MRGPRX2: variants seen among roughly 807,000 people sequenced by gnomAD.
MRGPRX2 encodes MAS related GPR family member X2, also known as mas-related G protein-coupled receptor member X2.
For missense variants in MRGPRX2, 389 were observed against 404.5 expected (o/e 0.96, Z 0.33); for synonymous variants, 183 against 175.6 (o/e 1.04, Z -0.33).
rs762796548 is a variant in MRGPRX2, at chr11:19,056,452, C to A, written c.-25-25G>T. 2.6e-6 allele frequency: 4 copies of A among 1,566,700 alleles called. No individual in the cohort carries two copies. The East Asian group carries it at 6.8e-5, about 26-fold the overall frequency. On this transcript the variant is annotated intron_variant, in intron 1 of 1. Coordinates refer to ENST00000329773, the MANE Select transcript of MRGPRX2 (RefSeq NM_054030.4). ...CCTGGAAACAAAAACAAGACTTGAG[C>A]ACCTGCTGCATGTTCACTGATTTTC... is the stretch of plus-strand genomic sequence containing the variant.
Position 19,055,333 on chromosome 11 carries a change from T to G in MRGPRX2, c.*77A>C. ...GTTTTAAAATCAGGACTGAGAAAGT[T>G]CAGCAAATCAGACAGACAGGGGCAA... On this transcript the variant is annotated 3_prime_UTR_variant, in exon 2 of 2. Transcript: ENST00000329773. 2.1e-6 allele frequency: 3 copies of G among 1,456,656 alleles called. No homozygotes were observed. The South Asian group carries it at 4.0e-5, about 20-fold the overall frequency. The allele number at this position is 1,456,656 out of a possible 1,614,324, so 90.2% of individuals were successfully genotyped here. A position where few individuals can be genotyped will look rare whatever the true frequency, so the allele number is the denominator to read the frequency against.
At chr11:19,057,230 C>T (rs1387152331) in intron 1 of MRGPRX2, among the ~76,000 whole-genome samples, 1 of 152,172 alleles carries the variant, frequency 6.6e-6, no homozygotes, top group African/African-American at 2.4e-5. Flanking sequence ...AAGAAAACAT[C>T]ATTCTTCATG....
intron 1 of MRGPRX2, among the ~76,000 whole-genome samples, chr11:19,058,512 C>T (rs981799139): frequency 6.6e-6 from 1 of 151,984 alleles, no homozygotes; most frequent in Non-Finnish European, 1.5e-5. Flanking sequence ...GCTCCGCCTC[C>T]TGGGCTCACG....
chr11:19,058,924 A>G (rs1306383117), intron 1 of MRGPRX2, among the ~76,000 whole-genome samples: 1 of 152,190 alleles, frequency 6.6e-6, no homozygotes, highest in African/African-American at 2.4e-5. Context: ...TCACATGGTG[A>G]AAAGCAGGTC....
chr11:19,060,276 A>G (rs1207515466), intron 1 of MRGPRX2, among the ~76,000 whole-genome samples: 1 of 152,220 alleles, frequency 6.6e-6, no homozygotes, highest in Admixed American at 6.5e-5. Context: ...AACCTTTTGA[A>G]TAACAAGAAA....
rs1362196428 is a variant in MRGPRX2, at chr11:19,054,617, G to C, written c.*793C>G. 1.3e-5 allele frequency: 2 copies of C among 152,188 alleles called. No individual in the cohort carries two copies. Among genetic ancestry groups the C allele is most frequent in the East Asian group, 3.9e-4 (2 of 5,194 alleles). The allele number at this position is 152,188 out of a possible 1,614,324, so 9.4% of individuals were successfully genotyped here. ...CTATAAGACCACTGGAAACTTCCAG[G>C]ACGAATTAGAGAGCCCCCAGAGAGG... On this transcript the variant is annotated 3_prime_UTR_variant, in exon 2 of 2. Coordinates refer to ENST00000329773, the MANE Select transcript of MRGPRX2 (RefSeq NM_054030.4).
Position 19,056,195 on chromosome 11 carries a change from T to TGA in MRGPRX2, c.206_207dup (p.Leu71AlafsTer15). On this transcript the variant is annotated frameshift_variant, in exon 2 of 2. Transcript: ENST00000329773. LOFTEE classifies it low-confidence loss of function (END_TRUNC). The stretch of plus-strand genomic sequence containing the variant: ...AAGAGGAAGTCGGCCCCGGCCAGGC[T>TGA]GAGGACGTAGACAGAGAAGGCGTTC... The TGA allele has an allele frequency of 1.2e-6, 2 of 1,614,136 alleles. No individual in the cohort carries two copies. The highest frequency in any genetic ancestry group is 1.7e-6 in the Non-Finnish European group (2 of 1,179,968).
intron 1 of MRGPRX2, among the ~76,000 whole-genome samples, chr11:19,057,287 C>G (rs1166625104): frequency 1.3e-5 from 2 of 152,204 alleles, no homozygotes; most frequent in Non-Finnish European, 2.9e-5. Context: ...TTGCTTCTGC[C>G]TACACAGATA....
chr11:19,057,456 G>A (rs1377865296), intron 1 of MRGPRX2, among the ~76,000 whole-genome samples: 2 of 152,204 alleles, frequency 1.3e-5, no homozygotes, highest in Non-Finnish European at 2.9e-5. Flanking sequence ...TTTGGGAAAA[G>A]GAGAGAGAGG....
chr11:19,059,681 A>G (rs1331810503), intron 1 of MRGPRX2, among the ~76,000 whole-genome samples: 1 of 149,378 alleles, frequency 6.7e-6, no homozygotes, highest in Non-Finnish European at 1.5e-5. Context: ...CAGGAAAGAC[A>G]AACTGAGAAG....
chr11:19,058,423 A>AT (rs35629793), intron 1 of MRGPRX2, among the ~76,000 whole-genome samples: 30,948 of 141,138 alleles, frequency 0.22, 3,779 homozygotes, highest in Admixed American at 0.29. Context: ...TTGCACCTGT[A>AT]TTTTTTTTTT....
chr11:19,057,346 T>C (rs1036020574), intron 1 of MRGPRX2, among the ~76,000 whole-genome samples: 8 of 152,198 alleles, frequency 5.3e-5, no homozygotes, highest in Admixed American at 2.0e-4. Flanking sequence ...GGCTAGTATA[T>C]GGCTTTTGCT....
At chr11:19,056,765 T>G (rs7120561) in intron 1 of MRGPRX2, among the ~76,000 whole-genome samples, 45,409 of 152,036 alleles carry the variant, frequency 0.3, 7,130 homozygotes, top group African/African-American at 0.4. Context: ...CAAGAGACAG[T>G]ACTCTGAGTT....
intron 1 of MRGPRX2, among the ~76,000 whole-genome samples, chr11:19,058,627 T>C (rs181676303): frequency 6.6e-6 from 1 of 151,938 alleles, no homozygotes; most frequent in African/African-American, 2.4e-5. Flanking sequence ...GGGGTTTCAC[T>C]GTGTTAGCCA....
Position 19,054,458 on chromosome 11 carries a change from A to G in MRGPRX2, c.*952T>C, listed in dbSNP as rs770265449. The G allele has an allele frequency of 3.3e-5, 5 of 152,242 alleles. No homozygotes were observed. The highest frequency in any genetic ancestry group is 7.3e-5 in the Non-Finnish European group (5 of 68,044). The allele number at this position is 152,242 out of a possible 1,614,324, so 9.4% of individuals were successfully genotyped here. ...AAAATTATTAAAAGATGCAGCATTT[A>G]CAATTAGTATTTTATTCTGTGGAAC... On this transcript the variant is annotated 3_prime_UTR_variant, in exon 2 of 2. Coordinates refer to ENST00000329773, the MANE Select transcript of MRGPRX2 (RefSeq NM_054030.4).
chr11:19,059,856 C>CT (rs1259400385), intron 1 of MRGPRX2, among the ~76,000 whole-genome samples: 2 of 151,370 alleles, frequency 1.3e-5, no homozygotes, highest in Non-Finnish European at 2.9e-5. Context: ...TGGAGGGTGA[C>CT]TTTTTTTTTC....
chr11:19,057,326 A>G (rs1034370068), intron 1 of MRGPRX2, among the ~76,000 whole-genome samples: 1 of 152,212 alleles, frequency 6.6e-6, no homozygotes, highest in African/African-American at 2.4e-5. Flanking sequence ...CATATCTTCA[A>G]TCCAGGAAGG....
Position 19,056,428 on chromosome 11 carries a change from C to T in MRGPRX2, c.-25-1G>A, listed in dbSNP as rs760791488. The T allele has an allele frequency of 1.9e-6, 3 of 1,587,040 alleles. No individual in the cohort carries two copies. Among genetic ancestry groups the T allele is most frequent in the Non-Finnish European group, 1.7e-6 (2 of 1,164,664 alleles). On this transcript the variant is annotated splice_acceptor_variant, in intron 1 of 1. Transcript: ENST00000329773. LOFTEE classifies it low-confidence loss of function (5UTR_SPLICE). ...GCTCAGAAAACCTCCACTGGTGCCC[C>T]TGGAAACAAAAACAAGACTTGAGCA... is the stretch of plus-strand genomic sequence containing the variant.
chr11:19,055,741 A>G lies in MRGPRX2; in HGVS notation c.662T>C (p.Leu221Pro), dbSNP rs764987414. Residue 221 changes from leucine (L) to proline (P), a missense_variant, in exon 2 of 2, where the codon CTG becomes CCG. Leu to Pro is a moderately conservative substitution (Grantham distance 98). Transcript: ENST00000329773. Reference protein sequence around the residue: ...CGSRGLPLTRLYLTILLTVLV... With the variant: ...CGSRGLPLTRPYLTILLTVLV... ...CACTGTGAGCAGGATGGTCAGGTAC[A>G]GCCTGGTCAGTGGCAGACCCCTGGA... is the stretch of plus-strand genomic sequence containing the variant. 4 of 1,614,238 alleles carry G rather than the reference A, an allele frequency of 2.5e-6. No individual in the cohort carries two copies. In the South Asian group the frequency reaches 4.4e-5, roughly 18 times the overall value.
Sources: gnomAD v4.1 joint callset for allele counts (sites outside exome capture counted in the v4.1 genomes callset) on GRCh38, gnomAD v4.1.1 for gene constraint, MANE v1.5 for transcripts, NCBI Gene and HGNC (gene_info 2026-07-23, HGNC 2026-07-21) for gene names.